Variants in NFE2L3 observed in about 807,000 individuals in gnomAD.
NFE2L3 encodes nuclear factor erythroid 2-related factor 3.
A neutral mutation model predicts 23.5 loss-of-function variants in NFE2L3; 18 were observed. The ratio of observed to expected loss-of-function variants is 0.77; its 90% confidence interval spans 0.53 to 1.13. NFE2L3 has a LOEUF of 1.13. Among genes scored for constraint, NFE2L3 ranks in the 50% most tolerant of loss-of-function variants. NFE2L3 has a pLI of 0.00. For synonymous variants in NFE2L3, 424 were observed against 354.5 expected (o/e 1.20, Z -2.20); for missense variants, 1,152 against 877.2 (o/e 1.31, Z -3.96).
In NFE2L3 at chr7:26,152,285, G is replaced by A. The variant is rs2128096519; in HGVS notation, c.-214G>A. 7.8e-6 allele frequency: 2 copies of A among 257,446 alleles called. No individual in the cohort carries two copies. The highest frequency in any genetic ancestry group is 1.7e-4 in the East Asian group (2 of 11,938). The allele number at this position is 257,446 out of a possible 1,614,324, so 15.9% of individuals were successfully genotyped here. ...TCCTTCTTCGCTTCTCCCGATCCCC[G>A]GCGGTGCCAGGCACGGTGCCGGCTG... is the stretch of plus-strand genomic sequence containing the variant. On this transcript the variant is annotated 5_prime_UTR_variant, in exon 1 of 4. Coordinates refer to ENST00000056233, the MANE Select transcript of NFE2L3 (RefSeq NM_004289.7). This position sits in a 1 kb window ranked among gnomAD's most constrained non-coding sequence, Gnocchi z 4.4.
chr7:26,176,775 T>C (rs1162695525), intron 1 of NFE2L3, among the ~76,000 whole-genome samples: 2 of 69,466 alleles, frequency 2.9e-5, no homozygotes, highest in Non-Finnish European at 2.6e-5. Context: ...CCAGACGGGG[T>C]GGCCAGGCAG....
chr7:26,183,979 TTA>T (rs2128100515), intron 3 of NFE2L3, 195 bp downstream of exon 3: 1 of 531,942 alleles, frequency 1.9e-6, no homozygotes, highest in East Asian at 3.1e-5. Flanking sequence ...ATAATCAAAT[TTA>T]GACTAGTCAT....
rs1784008128 is a variant in NFE2L3 at position 26,152,293 on chromosome 7, C to G, written c.-206C>G. The G allele has an allele frequency of 3.7e-6, 1 of 268,864 alleles. No homozygotes were observed. 16.7% of individuals were successfully genotyped at this position (268,864 alleles called of 1,614,324 possible). A position where few individuals can be genotyped will look rare whatever the true frequency, so the allele number is the denominator to read the frequency against. On this transcript the variant is annotated 5_prime_UTR_variant, in exon 1 of 4. Coordinates refer to ENST00000056233, the MANE Select transcript of NFE2L3 (RefSeq NM_004289.7). The surrounding 1 kb of genome is among the most constrained non-coding windows in gnomAD (Gnocchi z 4.4). ...CGCTTCTCCCGATCCCCGGCGGTGC[C>G]AGGCACGGTGCCGGCTGCCGAGGGA... is the stretch of plus-strand genomic sequence containing the variant.
intron 1 of NFE2L3, among the ~76,000 whole-genome samples, chr7:26,168,530 AAT>A (rs202013030): frequency 0.068 from 9,994 of 147,710 alleles, 755 homozygotes; most frequent in East Asian, 0.35. Context: ...ATATGCATAT[AAT>A]ATATATATAA....
intron 3 of NFE2L3, chr7:26,184,129 T>C (rs1006966507): frequency 8.6e-6 from 3 of 350,490 alleles, no homozygotes; most frequent in African/African-American, 4.3e-5. Context: ...CTTGTAGTTT[T>C]AGCGCTTAGA....
In NFE2L3 at chr7:26,155,462, A is replaced by T. The variant is rs545790381; in HGVS notation, c.570+2394A>T. Among the ~76,000 whole-genome samples the T allele has an allele frequency of 5.3e-5, 8 of 152,242 alleles. No homozygotes were observed. The South Asian group carries it at 8.3e-4, about 16-fold the overall frequency. On this transcript the variant is annotated intron_variant, in intron 1 of 3. Coordinates refer to ENST00000056233, the MANE Select transcript of NFE2L3 (RefSeq NM_004289.7). ...GTCTCAAAAAGAAAAAAAATGAAGA[A>T]GAAGAAGAAAACTAGAAGCCTAGGT...
At chr7:26,153,509 A>G (rs1051173951) in intron 1 of NFE2L3, among the ~76,000 whole-genome samples, 2 of 152,156 alleles carry the variant, frequency 1.3e-5, no homozygotes, top group African/African-American at 4.8e-5. Context: ...GGCCTAACGC[A>G]AGGACCTTCG....
At chr7:26,177,706 T>TTAAATTCAGGGGCTTTA (rs1784439947) in intron 1 of NFE2L3, among the ~76,000 whole-genome samples, 1 of 152,246 alleles carries the variant, frequency 6.6e-6, no homozygotes, top group South Asian at 2.1e-4. Flanking sequence ...CATGAGTATT[T>TTAAATTCAGGGGCTTTA]TAAATTCAGG....
chr7:26,180,948 T>C (rs1176198262), intron 2 of NFE2L3, among the ~76,000 whole-genome samples: 1 of 152,032 alleles, frequency 6.6e-6, no homozygotes, highest in Non-Finnish European at 1.5e-5. Context: ...TTACGTCACA[T>C]CTTCGTGTAC....
intron 1 of NFE2L3, among the ~76,000 whole-genome samples, chr7:26,169,212 GCTAA>G (rs1395002965): frequency 6.6e-6 from 1 of 152,188 alleles, no homozygotes; most frequent in Non-Finnish European, 1.5e-5. Flanking sequence ...TAGAATAATT[GCTAA>G]CTGTTACAAG....
At chr7:26,159,039 G>A (rs1344109988) in intron 1 of NFE2L3, among the ~76,000 whole-genome samples, 1 of 152,204 alleles carries the variant, frequency 6.6e-6, no homozygotes, top group Non-Finnish European at 1.5e-5. Context: ...GTTGTCAGGT[G>A]CAGGTTTCCA....
At position 26,187,038 on chromosome 7, in the gene NFE2L3, T is replaced by C. The variant is rs1782505152; in HGVS notation, c.*1255T>C. 1 of 152,236 alleles carries C rather than the reference T, an allele frequency of 6.6e-6. No individual in the cohort carries two copies. The allele number at this position is 152,236 out of a possible 1,614,324, so 9.4% of individuals were successfully genotyped here. A position where few individuals can be genotyped will look rare whatever the true frequency, so the allele number is the denominator to read the frequency against. Reference sequence around the variant, plus strand: ...TATTTCTGCCATAGGAGCTACAGTGTAGAGTATCACATAAGTATCTTGGGC... The same window carrying C: ...TATTTCTGCCATAGGAGCTACAGTGCAGAGTATCACATAAGTATCTTGGGC... On this transcript the variant is annotated 3_prime_UTR_variant, in exon 4 of 4. Coordinates refer to ENST00000056233, the MANE Select transcript of NFE2L3 (RefSeq NM_004289.7).
intron 1 of NFE2L3, among the ~76,000 whole-genome samples, chr7:26,165,178 C>T (rs1784229633): frequency 3.3e-5 from 5 of 152,166 alleles, no homozygotes; most frequent in Admixed American, 3.3e-4. Flanking sequence ...TTTTCCAATT[C>T]TGTGAAGACA....
intron 2 of NFE2L3, among the ~76,000 whole-genome samples, chr7:26,180,750 A>G (rs1274893655): frequency 6.6e-6 from 1 of 152,042 alleles, no homozygotes; most frequent in Non-Finnish European, 1.5e-5. Context: ...ACTAAATATT[A>G]ATGAGGAGAC....
At position 26,185,660 on chromosome 7, in the gene NFE2L3, T is replaced by C. The variant is rs371187908; in HGVS notation, c.1962T>C (p.Gly654=). ...DIFSRLRDDQ[G]RPVNPNHYAL... Reference sequence around the variant, plus strand: ...TTAGTAGATTAAGAGATGACCAAGGTAGGCCAGTCAATCCCAACCACTATG... The same window carrying C: ...TTAGTAGATTAAGAGATGACCAAGGCAGGCCAGTCAATCCCAACCACTATG... The change falls in exon 4 of 4, where the codon GGT becomes GGC. Residue 654 remains glycine, a synonymous_variant. Coordinates refer to ENST00000056233, the MANE Select transcript of NFE2L3 (RefSeq NM_004289.7). The C allele has an allele frequency of 5.6e-6, 9 of 1,613,806 alleles. No homozygotes were observed. The African/African-American group carries it at 1.1e-4, about 19-fold the overall frequency.
At chr7:26,171,698 C>T (rs1438105985) in intron 1 of NFE2L3, among the ~76,000 whole-genome samples, 1 of 152,036 alleles carries the variant, frequency 6.6e-6, no homozygotes, top group East Asian at 1.9e-4. Flanking sequence ...GCAGTTATTT[C>T]ATTAGTTCAC....
At chr7:26,182,953 C>T (rs1782362542) in intron 2 of NFE2L3, among the ~76,000 whole-genome samples, 1 of 152,128 alleles carries the variant, frequency 6.6e-6, no homozygotes, top group South Asian at 2.1e-4. Flanking sequence ...CACCACCACA[C>T]CCAGCTAATT....
rs753825801 is a variant in NFE2L3 at position 26,184,885 on chromosome 7, C to G, written c.1187C>G (p.Ser396Ter). 1 of 1,613,916 alleles carries G rather than the reference C, an allele frequency of 6.2e-7. No individual in the cohort carries two copies. Among genetic ancestry groups the G allele is most frequent in the Non-Finnish European group, 8.5e-7 (1 of 1,179,844 alleles). ...ATATTTGATGAGATAAACTTAATGTCATTGGCCACAGAAGACAACTTTGAT... is the reference window on the plus strand; with the variant it reads ...ATATTTGATGAGATAAACTTAATGTGATTGGCCACAGAAGACAACTTTGAT... The part of the protein sequence containing the change: ...INIFDEINLM[S>*]LATEDNFDPI... The change falls in exon 4 of 4, where the codon TCA (serine) becomes TGA (stop). Residue 396 changes from serine to a stop codon, truncating the protein, a stop_gained. Coordinates refer to ENST00000056233, the MANE Select transcript of NFE2L3 (RefSeq NM_004289.7). LOFTEE classifies it low-confidence loss of function (END_TRUNC).
intron 2 of NFE2L3, among the ~76,000 whole-genome samples, chr7:26,180,803 T>C (rs916589040): frequency 7.9e-5 from 12 of 152,150 alleles, no homozygotes; most frequent in Non-Finnish European, 1.3e-4. Flanking sequence ...TAAAATGTAA[T>C]TTGACATAGG....
Sources: allele counts gnomAD v4.1 joint callset (sites outside exome capture counted in the v4.1 genomes callset), GRCh38; gene constraint gnomAD v4.1.1; non-coding constraint Gnocchi (gnomAD v3.1); transcripts MANE v1.5; gene names NCBI Gene and HGNC (gene_info 2026-07-23, HGNC 2026-07-21).